Variants in KCNK2 observed in about 807,000 individuals in gnomAD.
The protein encoded by KCNK2 is potassium channel subfamily K member 2.
A neutral mutation model predicts 40.5 loss-of-function variants in KCNK2; 21 were observed. The observed-to-expected ratio is 0.52, with a 90% CI of 0.37 to 0.75. The LOEUF (loss-of-function observed/expected upper bound fraction) is 0.75. Ranked by LOEUF, KCNK2 falls within the 30% of genes least tolerant of loss-of-function variation. KCNK2 has a pLI of 0.00. For missense variants in KCNK2, 399 were observed against 531.6 expected (o/e 0.75, Z 2.45); for synonymous variants, 191 against 202.2 (o/e 0.94, Z 0.47).
At chr1:215,068,126 T>G (rs969881453) in intron 1 of KCNK2, among the ~76,000 whole-genome samples, 1 of 151,974 alleles carries the variant, frequency 6.6e-6, no homozygotes, top group Non-Finnish European at 1.5e-5. Context: ...CTACCTGGTT[T>G]TCATATATTA....
intron 3 of KCNK2, among the ~76,000 whole-genome samples, chr1:215,126,519 G>C (rs1183639192): frequency 6.6e-6 from 1 of 152,046 alleles, no homozygotes; most frequent in Non-Finnish European, 1.5e-5. Context: ...AGTGAGAATG[G>C]TTTGTTTCTG....
chr1:215,008,986 A>C (rs1656282595), intron 1 of KCNK2, among the ~76,000 whole-genome samples: 1 of 152,124 alleles, frequency 6.6e-6, no homozygotes, highest in South Asian at 2.1e-4. Context: ...GAAACACCAG[A>C]TTGGCCATTG....
chr1:215,155,819 G>A (rs1662895584), intron 3 of KCNK2, among the ~76,000 whole-genome samples: 1 of 152,036 alleles, frequency 6.6e-6, no homozygotes, highest in Non-Finnish European at 1.5e-5. Flanking sequence ...ACGCCAGGCC[G>A]AGATTTAATT....
intron 1 of KCNK2, among the ~76,000 whole-genome samples, chr1:215,065,544 ATTATGACTTC>A (rs1299764948): frequency 6.6e-6 from 1 of 152,196 alleles, no homozygotes; most frequent in East Asian, 1.9e-4. Context: ...CTAGAGGTAA[ATTATGACTTC>A]TTAATGCCTC....
chr1:215,024,228 G>A (rs1224255692), intron 1 of KCNK2, among the ~76,000 whole-genome samples: 1 of 152,220 alleles, frequency 6.6e-6, no homozygotes, highest in Non-Finnish European at 1.5e-5. Flanking sequence ...GAACAAGGGT[G>A]ACAAGAGACA....
chr1:215,188,728 AT>A (rs1664551051), intron 5 of KCNK2, among the ~76,000 whole-genome samples: 1 of 152,158 alleles, frequency 6.6e-6, no homozygotes, highest in Non-Finnish European at 1.5e-5. Flanking sequence ...CTGAGTAGAA[AT>A]TTGCCAGGAA....
intron 2 of KCNK2, among the ~76,000 whole-genome samples, chr1:215,097,450 C>A (rs1660028066): frequency 6.6e-6 from 1 of 151,264 alleles, no homozygotes; most frequent in Non-Finnish European, 1.5e-5. Context: ...AATTAAATGG[C>A]TCTTCTGTTA....
At chr1:215,185,198 A>G (rs1158220926) in intron 5 of KCNK2, among the ~76,000 whole-genome samples, 1 of 152,226 alleles carries the variant, frequency 6.6e-6, no homozygotes, top group Non-Finnish European at 1.5e-5. Context: ...TATAATTAGC[A>G]TAAGAATTTG....
At chr1:215,180,938 C>T (rs1664194555) in intron 5 of KCNK2, among the ~76,000 whole-genome samples, 1 of 152,130 alleles carries the variant, frequency 6.6e-6, no homozygotes, top group South Asian at 2.1e-4. Flanking sequence ...TTGAATTATT[C>T]CTTCAAATAT....
chr1:215,129,618 C>T (rs1661579172), intron 3 of KCNK2, among the ~76,000 whole-genome samples: 1 of 151,894 alleles, frequency 6.6e-6, no homozygotes, highest in South Asian at 2.1e-4. Flanking sequence ...GCAAAGGGCA[C>T]AACAATGCAA....
intron 6 of KCNK2, among the ~76,000 whole-genome samples, chr1:215,217,583 A>G (rs1433581176): frequency 1.3e-5 from 2 of 152,184 alleles, no homozygotes; most frequent in African/African-American, 4.8e-5. Flanking sequence ...TAATTCTGGT[A>G]ACTCACTAGA....
intron 6 of KCNK2, among the ~76,000 whole-genome samples, chr1:215,197,778 T>G (rs1664926149): frequency 6.6e-6 from 1 of 152,174 alleles, no homozygotes; most frequent in Admixed American, 6.5e-5. Context: ...GGCAGGCAGA[T>G]CACTTGAGCC....
intron 6 of KCNK2, among the ~76,000 whole-genome samples, chr1:215,210,187 G>A (rs1025854036): frequency 6.7e-6 from 1 of 148,706 alleles, no homozygotes; most frequent in South Asian, 2.1e-4. Flanking sequence ...ATATGTGTGT[G>A]TACACACATA....
At position 215,184,549 on chromosome 1, in the gene KCNK2, T is replaced by A. The variant is rs1001411335; in HGVS notation, c.824-10404T>A. Among the ~76,000 whole-genome samples the A allele has an allele frequency of 2.5e-4, 38 of 152,128 alleles. 1 individual carries two copies. The highest frequency in any genetic ancestry group is 7.2e-4 in the Admixed American group (11 of 15,256). ...TTAATAGACTCATAGTTCAACATGGTTGGGGAGGCCTCAGGAAACTTACAA... is the reference window on the plus strand; with the variant it reads ...TTAATAGACTCATAGTTCAACATGGATGGGGAGGCCTCAGGAAACTTACAA... On this transcript the variant is annotated intron_variant, in intron 5 of 6. Transcript: ENST00000444842.
chr1:215,195,551 C>T (rs1043835780), intron 6 of KCNK2, among the ~76,000 whole-genome samples: 8 of 151,900 alleles, frequency 5.3e-5, no homozygotes, highest in Non-Finnish European at 8.8e-5. Context: ...TAAATTTGTA[C>T]GTACACATGT....
chr1:215,182,753 T>C lies in KCNK2; in HGVS notation c.823+10570T>C, dbSNP rs577306444. ...GGCACACTACTGGGTCACCACATAA[T>C]TGTTGACTTTATGTTTGTCCAGATT... On this transcript the variant is annotated intron_variant, in intron 5 of 6. Transcript: ENST00000444842. Among the ~76,000 whole-genome samples the C allele has an allele frequency of 2.6e-5, 4 of 152,282 alleles. No homozygotes were observed. The South Asian group carries it at 8.3e-4, about 32-fold the overall frequency.
intron 3 of KCNK2, among the ~76,000 whole-genome samples, chr1:215,131,203 A>G (rs1661661999): frequency 1.3e-5 from 2 of 151,494 alleles, no homozygotes; most frequent in Admixed American, 1.3e-4. Context: ...TATCAGTTAA[A>G]CTATGGGAAA....
intron 1 of KCNK2, among the ~76,000 whole-genome samples, chr1:215,007,027 A>ATATATATGTGTGTGTG (rs1571840722): frequency 3.6e-5 from 2 of 56,150 alleles, no homozygotes; most frequent in Non-Finnish European, 8.3e-5. Context: ...ATATATATAT[A>ATATATATGTGTGTGTG]TATATATATA....
At chr1:215,163,719 G>A (rs1329703302) in intron 3 of KCNK2, among the ~76,000 whole-genome samples, 1 of 152,086 alleles carries the variant, frequency 6.6e-6, no homozygotes, top group African/African-American at 2.4e-5. Context: ...GATGCATTAT[G>A]TTTATTGATT....
Sources: gnomAD v4.1 joint callset for allele counts (sites outside exome capture counted in the v4.1 genomes callset) on GRCh38, gnomAD v4.1.1 for gene constraint, MANE v1.5 for transcripts, NCBI Gene and HGNC (gene_info 2026-07-23, HGNC 2026-07-21) for gene names.